GALNT17: variants seen among roughly 807,000 people sequenced by gnomAD.
GALNT17 encodes UDP-GalNAc:polypeptide N-acetylgalactosaminyltransferase-like 3.
Under a neutral mutation model 63.7 loss-of-function variants are expected in GALNT17, and 29 were observed. The observed-to-expected ratio is 0.46, with a 90% CI of 0.34 to 0.62. GALNT17 has a LOEUF of 0.62. Ranked by LOEUF, GALNT17 falls within the 20% of genes least tolerant of loss-of-function variation. The pLI is 0.01. For missense variants in GALNT17, 603 were observed against 799.6 expected, an observed-to-expected ratio of 0.75 and a Z score of 2.97; for synonymous variants, 305 against 318.3, an observed-to-expected ratio of 0.96 and a Z score of 0.45.
chr7:71,200,467 G>T (rs1789145343), intron 1 of GALNT17, among the ~76,000 whole-genome samples: 1 of 152,104 alleles, frequency 6.6e-6, no homozygotes, highest in Non-Finnish European at 1.5e-5. Flanking sequence ...TGGTGTAAAT[G>T]GTTTTAATGG....
At chr7:71,505,107 A>G (rs1419336683) in intron 5 of GALNT17, among the ~76,000 whole-genome samples, 1 of 152,100 alleles carries the variant, frequency 6.6e-6, no homozygotes, top group Non-Finnish European at 1.5e-5. Context: ...GACCCACAGA[A>G]CCCAGTGTGC....
intron 2 of GALNT17, among the ~76,000 whole-genome samples, chr7:71,339,010 A>C (rs1482534592): frequency 6.6e-6 from 1 of 152,220 alleles, no homozygotes; most frequent in Non-Finnish European, 1.5e-5. Context: ...TCTCCAAAAC[A>C]TCTGTCTGTT....
chr7:71,346,368 A>G (rs1302563376), intron 2 of GALNT17, among the ~76,000 whole-genome samples: 1 of 152,174 alleles, frequency 6.6e-6, no homozygotes, highest in African/African-American at 2.4e-5. Context: ...GTGTCCCTGA[A>G]TCACTAACCA....
At chr7:71,425,601 C>T (rs185788054) in intron 5 of GALNT17, among the ~76,000 whole-genome samples, 16 of 152,290 alleles carry the variant, frequency 1.1e-4, no homozygotes, top group Admixed American at 9.2e-4. Context: ...AACCTCTCTT[C>T]TTCAAAACTT....
intron 6 of GALNT17, among the ~76,000 whole-genome samples, chr7:71,653,626 C>G (rs1241914811): frequency 2.6e-5 from 4 of 151,890 alleles, no homozygotes; most frequent in African/African-American, 7.3e-5. Flanking sequence ...AGGCTGGTCT[C>G]GAACTCCTGA....
chr7:71,489,388 C>A (rs912847189), intron 5 of GALNT17, among the ~76,000 whole-genome samples: 1 of 152,166 alleles, frequency 6.6e-6, no homozygotes, highest in African/African-American at 2.4e-5. Context: ...GAGATTCAGA[C>A]ACAACACAAA....
At chr7:71,444,827 AAAAC>A (rs879445313) in intron 5 of GALNT17, among the ~76,000 whole-genome samples, 11 of 152,156 alleles carry the variant, frequency 7.2e-5, no homozygotes, top group African/African-American at 1.2e-4. Context: ...TGTCTCAAGG[AAAAC>A]AAACAAACAA....
At chr7:71,349,062 A>T (rs1412239430) in intron 2 of GALNT17, among the ~76,000 whole-genome samples, 1 of 152,248 alleles carries the variant, frequency 6.6e-6, no homozygotes. Context: ...AGTTACGTGA[A>T]ATACTTGCAG....
intron 5 of GALNT17, among the ~76,000 whole-genome samples, chr7:71,467,739 C>T (rs1177831776): frequency 6.6e-6 from 1 of 151,780 alleles, no homozygotes; most frequent in Non-Finnish European, 1.5e-5. Context: ...GAGTTCTGCT[C>T]TAGACAACAG....
At chr7:71,637,410 T>A (rs1189625271) in intron 6 of GALNT17, among the ~76,000 whole-genome samples, 2 of 152,000 alleles carry the variant, frequency 1.3e-5, no homozygotes, top group Non-Finnish European at 2.9e-5. Flanking sequence ...TTTCTGGTCT[T>A]GATCTCCTGA....
intron 2 of GALNT17, among the ~76,000 whole-genome samples, chr7:71,363,116 A>G (rs11972878): frequency 0.032 from 4,807 of 151,940 alleles, 249 homozygotes; most frequent in African/African-American, 0.11. Context: ...GCAGGCACGC[A>G]CCACGATGCC....
intron 2 of GALNT17, among the ~76,000 whole-genome samples, chr7:71,336,900 C>A (rs12699032): frequency 9.2e-5 from 14 of 152,110 alleles, no homozygotes; most frequent in African/African-American, 3.4e-4. Context: ...GAGTTCTTTG[C>A]GGCTTCACCA....
chr7:71,392,350 G>A (rs1052523550), intron 3 of GALNT17, among the ~76,000 whole-genome samples: 2 of 152,134 alleles, frequency 1.3e-5, no homozygotes, highest in Admixed American at 1.3e-4. Flanking sequence ...AATTCCAAGA[G>A]CCAGTGTAAA....
At chr7:71,540,222 C>A (rs1457771640) in intron 5 of GALNT17, among the ~76,000 whole-genome samples, 1 of 146,718 alleles carries the variant, frequency 6.8e-6, no homozygotes, top group African/African-American at 2.5e-5. Context: ...GTTCAAGTGA[C>A]TCTCCCATCT....
At chr7:71,169,998 T>A (rs1397897029) in intron 1 of GALNT17, among the ~76,000 whole-genome samples, 1 of 151,700 alleles carries the variant, frequency 6.6e-6, no homozygotes, top group African/African-American at 2.4e-5. Context: ...GATGGGGTCT[T>A]GCTATGCTGT....
chr7:71,233,042 C>T (rs7806416), intron 1 of GALNT17, among the ~76,000 whole-genome samples: 31,080 of 152,090 alleles, frequency 0.2, 3,307 homozygotes, highest in Middle Eastern at 0.33. Context: ...CCCTGCATTA[C>T]AGAGGGGGAA....
At chr7:71,481,088 G>A (rs1787809464) in intron 5 of GALNT17, among the ~76,000 whole-genome samples, 1 of 152,180 alleles carries the variant, frequency 6.6e-6, no homozygotes, top group Non-Finnish European at 1.5e-5. Flanking sequence ...TTTCCCAGGA[G>A]GCAGCTTGGA....
intron 2 of GALNT17, among the ~76,000 whole-genome samples, chr7:71,355,539 C>CTT (rs202185866): frequency 1.9e-4 from 27 of 145,674 alleles, no homozygotes; most frequent in African/African-American, 6.5e-4. Context: ...CAGAGAGTGT[C>CTT]TTTTTTTTTT....
intron 5 of GALNT17, among the ~76,000 whole-genome samples, chr7:71,519,624 C>A (rs1474989600): frequency 1.3e-5 from 2 of 152,104 alleles, no homozygotes; most frequent in Non-Finnish European, 2.9e-5. Context: ...CCACCACGCC[C>A]AGGTAATTTT....
Sources: allele counts gnomAD v4.1 joint callset (sites outside exome capture counted in the v4.1 genomes callset), GRCh38; gene constraint gnomAD v4.1.1; transcripts MANE v1.5; gene names NCBI Gene and HGNC (gene_info 2026-07-23, HGNC 2026-07-21).